Variants in DOK6 observed in about 807,000 individuals in gnomAD.
The protein encoded by DOK6 is docking protein 6, also known as downstream of tyrosine kinase 6.
DOK6 carries 22 observed loss-of-function variants against 44.0 expected under a neutral mutation model. That is an observed-to-expected ratio of 0.50 (90% CI 0.36 to 0.71). DOK6 has a LOEUF of 0.71. Ranked by LOEUF, DOK6 falls within the 30% of genes least tolerant of loss-of-function variation. DOK6 has a pLI of 0.00. For missense variants in DOK6, 340 were observed against 416.4 expected (o/e 0.82, Z 1.60); for synonymous variants, 166 against 145.5 (o/e 1.14, Z -1.01).
intron 7 of DOK6, among the ~76,000 whole-genome samples, chr18:69,836,855 T>C (rs1435815334): frequency 1.3e-5 from 2 of 152,278 alleles, no homozygotes; most frequent in African/African-American, 4.8e-5. Flanking sequence ...CAAATGAACA[T>C]TGAAAAAATG....
chr18:69,602,031 A>G (rs969231130), intron 3 of DOK6, among the ~76,000 whole-genome samples: 1 of 152,240 alleles, frequency 6.6e-6, no homozygotes, highest in African/African-American at 2.4e-5. Flanking sequence ...ATAGGAGAGT[A>G]TAGAAAAATA....
At chr18:69,588,655 GAC>G (rs1165762534) in intron 2 of DOK6, among the ~76,000 whole-genome samples, 2 of 152,090 alleles carry the variant, frequency 1.3e-5, no homozygotes, top group South Asian at 2.1e-4. Flanking sequence ...TTCCCACCAG[GAC>G]ACACACTGGC....
At chr18:69,670,909 C>T (rs1016698244) in intron 3 of DOK6, among the ~76,000 whole-genome samples, 2 of 152,096 alleles carry the variant, frequency 1.3e-5, no homozygotes, top group African/African-American at 2.4e-5. Flanking sequence ...TCCAAGTTGT[C>T]GGAAAGGATC....
At chr18:69,710,712 A>T (rs1448873441) in intron 5 of DOK6, among the ~76,000 whole-genome samples, 1 of 152,250 alleles carries the variant, frequency 6.6e-6, no homozygotes, top group East Asian at 1.9e-4. Flanking sequence ...TAAGTAGATC[A>T]TGGATTCATA....
At chr18:69,779,466 A>T (rs2145087790) in intron 7 of DOK6, among the ~76,000 whole-genome samples, 1 of 151,606 alleles carries the variant, frequency 6.6e-6, no homozygotes, top group Non-Finnish European at 1.5e-5. Context: ...ACACACACAC[A>T]CACACACACA....
At chr18:69,823,063 A>T (rs1372100561) in intron 7 of DOK6, among the ~76,000 whole-genome samples, 1 of 152,218 alleles carries the variant, frequency 6.6e-6, no homozygotes, top group Non-Finnish European at 1.5e-5. Flanking sequence ...GCAAGATGAG[A>T]CATCTGTACT....
At chr18:69,403,735 C>A (rs562851767) in intron 1 of DOK6, among the ~76,000 whole-genome samples, 2 of 152,030 alleles carry the variant, frequency 1.3e-5, no homozygotes, top group African/African-American at 4.8e-5. Flanking sequence ...CTTCACATAG[C>A]TGGTTCTGTG....
chr18:69,622,236 C>A (rs758039895), intron 3 of DOK6, among the ~76,000 whole-genome samples: 1 of 152,114 alleles, frequency 6.6e-6, no homozygotes, highest in South Asian at 2.1e-4. Context: ...GTATTACTTT[C>A]TCCAGCCCCA....
chr18:69,658,390 T>G (rs1985424500), intron 3 of DOK6, among the ~76,000 whole-genome samples: 1 of 152,350 alleles, frequency 6.6e-6, no homozygotes, highest in Non-Finnish European at 1.5e-5. Context: ...GAGTCACACA[T>G]GAGTTAATAT....
intron 3 of DOK6, among the ~76,000 whole-genome samples, chr18:69,650,736 CTG>C (rs1599241978): frequency 6.6e-6 from 1 of 152,142 alleles, no homozygotes. Flanking sequence ...CACTCAAACT[CTG>C]TGATCTCATG....
chr18:69,615,092 T>G (rs1490065980), intron 3 of DOK6, among the ~76,000 whole-genome samples: 2 of 152,194 alleles, frequency 1.3e-5, no homozygotes, highest in African/African-American at 2.4e-5. Flanking sequence ...CGATGTTAGA[T>G]CAGTGTTATA....
chr18:69,546,383 A>T (rs1272566673), intron 1 of DOK6, among the ~76,000 whole-genome samples: 11 of 151,412 alleles, frequency 7.3e-5, no homozygotes, highest in South Asian at 4.2e-4. Flanking sequence ...CAATGATAGC[A>T]TGTGTCTGCG....
chr18:69,456,759 T>A (rs1402124856), intron 1 of DOK6, among the ~76,000 whole-genome samples: 1 of 152,222 alleles, frequency 6.6e-6, no homozygotes, highest in Non-Finnish European at 1.5e-5. Flanking sequence ...TAATTTTCTT[T>A]CCTACGAAAA....
chr18:69,769,792 A>T (rs1979833807), intron 7 of DOK6, among the ~76,000 whole-genome samples: 1 of 152,132 alleles, frequency 6.6e-6, no homozygotes, highest in Non-Finnish European at 1.5e-5. Context: ...ATCCTTCTGA[A>T]AGCAGTGAGA....
intron 1 of DOK6, among the ~76,000 whole-genome samples, chr18:69,478,128 C>T (rs1172215010): frequency 3.3e-5 from 5 of 152,062 alleles, no homozygotes; most frequent in Non-Finnish European, 7.4e-5. Flanking sequence ...TACTTAAATA[C>T]GTGTGTGTTT....
intron 1 of DOK6, among the ~76,000 whole-genome samples, chr18:69,503,251 A>G (rs1230488024): frequency 6.6e-6 from 1 of 152,160 alleles, no homozygotes; most frequent in African/African-American, 2.4e-5. Context: ...AGAGATAATT[A>G]TCTTCTAAAC....
At chr18:69,696,680 G>A (rs955050860) in intron 4 of DOK6, among the ~76,000 whole-genome samples, 13 of 152,178 alleles carry the variant, frequency 8.5e-5, no homozygotes, top group Non-Finnish European at 1.6e-4. Context: ...CGGGCCTTGT[G>A]TATATTCCTG....
intron 1 of DOK6, 110 bp from the exon 2 acceptor site, chr18:69,564,374 CAAA>C: frequency 1.3e-6 from 1 of 752,542 alleles, no homozygotes; most frequent in East Asian, 3.0e-5. Flanking sequence ...GTTTGTCAAT[CAAA>C]AACAGTTCCT....
intron 1 of DOK6, among the ~76,000 whole-genome samples, chr18:69,473,797 C>T (rs1980183594): frequency 6.6e-6 from 1 of 152,200 alleles, no homozygotes; most frequent in Non-Finnish European, 1.5e-5. Context: ...ACATGTCTTG[C>T]TATGGAATCC....
Sources: allele counts gnomAD v4.1 joint callset (sites outside exome capture counted in the v4.1 genomes callset), GRCh38; gene constraint gnomAD v4.1.1; transcripts MANE v1.5; gene names NCBI Gene and HGNC (gene_info 2026-07-23, HGNC 2026-07-21).